Variants in CMTM4 observed in about 807,000 individuals in gnomAD.
The protein encoded by CMTM4 is CKLF-like MARVEL transmembrane domain-containing protein 4.
A neutral mutation model predicts 19.0 loss-of-function variants in CMTM4; 8 were observed. The ratio of observed to expected loss-of-function variants is 0.42; its 90% CI spans 0.25 to 0.76. The LOEUF is 0.76. CMTM4 is among the 30% of genes least tolerant of loss of function. The probability of loss-of-function intolerance (pLI) is 0.27; values close to 1 mark genes in which losing one functional copy is unlikely to be tolerated. For missense variants in CMTM4, 228 were observed against 290.2 expected (o/e 0.79, Z 1.56); for synonymous variants, 106 against 121.1 (o/e 0.88, Z 0.82).
intron 1 of CMTM4, among the ~76,000 whole-genome samples, chr16:66,638,894 G>A (rs1230303089): frequency 1.3e-5 from 2 of 149,414 alleles, no homozygotes; most frequent in African/African-American, 2.5e-5. Context: ...CAAACAAACA[G>A]AGTAGATTTT....
At chr16:66,632,508 A>C (rs897761046) in intron 2 of CMTM4, among the ~76,000 whole-genome samples, 2 of 152,156 alleles carry the variant, frequency 1.3e-5, no homozygotes, top group Admixed American at 6.5e-5. Flanking sequence ...TTTTTTCAGA[A>C]TTTGACAATA....
At chr16:66,676,022 G>C (rs879567527) in intron 1 of CMTM4, among the ~76,000 whole-genome samples, 21 of 151,194 alleles carry the variant, frequency 1.4e-4, no homozygotes, top group Admixed American at 1.4e-3. Flanking sequence ...ACCATGCCCA[G>C]CTAAAAAAAA....
At chr16:66,674,536 G>C (rs1372944699) in intron 1 of CMTM4, among the ~76,000 whole-genome samples, 2 of 152,040 alleles carry the variant, frequency 1.3e-5, no homozygotes, top group Non-Finnish European at 2.9e-5. Flanking sequence ...CAGATATGCT[G>C]ATGGTAACTT....
intron 1 of CMTM4, among the ~76,000 whole-genome samples, chr16:66,658,202 G>A (rs1433392617): frequency 6.7e-6 from 1 of 149,272 alleles, no homozygotes; most frequent in Non-Finnish European, 1.5e-5. Flanking sequence ...AGCAAAGAAA[G>A]GGAAAGAAGG....
At position 66,615,133 on chromosome 16, in the gene CMTM4, T is replaced by C. The variant is rs946805095; in HGVS notation, c.*6925A>G. On this transcript the variant is annotated 3_prime_UTR_variant, in exon 4 of 4. Coordinates refer to ENST00000394106, the MANE Select transcript of CMTM4 (RefSeq NM_181521.3). This position sits in a 1 kb window ranked among gnomAD's most constrained non-coding sequence, Gnocchi z 4.9. ...GGGCATCGCCTCAGAAAGCCCACAGTTGTGTCTTTAAACTGCCGAAATGAA... is the reference window on the plus strand; with the variant it reads ...GGGCATCGCCTCAGAAAGCCCACAGCTGTGTCTTTAAACTGCCGAAATGAA... The C allele has an allele frequency of 6.6e-6, 1 of 152,240 alleles. No individual in the cohort carries two copies. The highest frequency in any genetic ancestry group is 1.5e-5 in the Non-Finnish European group (1 of 68,046). The allele number at this position is 152,240 out of a possible 1,614,324, so 9.4% of individuals were successfully genotyped here.
chr16:66,607,051 T>G, the CMTM4 span, among the ~76,000 whole-genome samples: 2 of 152,196 alleles, frequency 1.3e-5, no homozygotes, highest in Admixed American at 1.3e-4. Flanking sequence ...GTTCAAATTC[T>G]AGTAGCCTCT....
intron 1 of CMTM4, among the ~76,000 whole-genome samples, chr16:66,640,171 C>T (rs1016080067): frequency 6.6e-6 from 1 of 152,066 alleles, no homozygotes; most frequent in African/African-American, 2.4e-5. Flanking sequence ...CATGGTGGCG[C>T]ACGCCTGTAA....
At chr16:66,646,440 T>C (rs903252736) in intron 1 of CMTM4, among the ~76,000 whole-genome samples, 4 of 152,182 alleles carry the variant, frequency 2.6e-5, no homozygotes, top group African/African-American at 4.8e-5. Context: ...TATGTAAATA[T>C]ATCACATGTA....
chr16:66,606,062 G>T, the CMTM4 span, among the ~76,000 whole-genome samples: 1 of 151,910 alleles, frequency 6.6e-6, no homozygotes, highest in South Asian at 2.1e-4. Context: ...ATAAGAGGGA[G>T]GCATATGTCC....
intron 2 of CMTM4, among the ~76,000 whole-genome samples, chr16:66,633,461 C>T (rs575704999): frequency 3.3e-5 from 5 of 152,158 alleles, no homozygotes; most frequent in South Asian, 2.1e-4. Flanking sequence ...GAGCTGAGAT[C>T]GGCCGTGAGG....
At chr16:66,612,707 G>T, downstream of CMTM4, 3 of 1,500,758 alleles carry the variant, frequency 2.0e-6, no homozygotes, top group Admixed American at 5.2e-5. The surrounding 1 kb of genome is among the most constrained non-coding windows in gnomAD (Gnocchi z 6.0). Context: ...GGGGTCGCTG[G>T]CGTTGGAGCG....
intron 1 of CMTM4, among the ~76,000 whole-genome samples, chr16:66,639,645 G>A (rs2016063281): frequency 6.6e-6 from 1 of 152,184 alleles, no homozygotes; most frequent in African/African-American, 2.4e-5. Flanking sequence ...CACTTCAGGA[G>A]GTTGAGGCGG....
At chr16:66,606,014 G>A in the CMTM4 span, among the ~76,000 whole-genome samples, 8 of 152,126 alleles carry the variant, frequency 5.3e-5, no homozygotes, top group Non-Finnish European at 1.2e-4. Flanking sequence ...CGTCCCCAGA[G>A]TGGCTTGAAC....
chr16:66,672,836 G>A (rs573453486), intron 1 of CMTM4, among the ~76,000 whole-genome samples: 2 of 149,456 alleles, frequency 1.3e-5, no homozygotes, highest in Non-Finnish European at 3.0e-5. Flanking sequence ...ATGTCGGCCA[G>A]GCTAGTCTTG....
chr16:66,692,017 C>CTCATTTTA (rs2017144606), intron 1 of CMTM4, among the ~76,000 whole-genome samples: 1 of 152,030 alleles, frequency 6.6e-6, no homozygotes, highest in Non-Finnish European at 1.5e-5. Context: ...TATTGGCAGT[C>CTCATTTTA]TCATTTTACC....
intron 1 of CMTM4, among the ~76,000 whole-genome samples, chr16:66,686,630 A>T (rs1176934102): frequency 6.6e-6 from 1 of 151,760 alleles, no homozygotes; most frequent in Non-Finnish European, 1.5e-5. Flanking sequence ...AGCCATTAGG[A>T]CTTACAGAGG....
intron 1 of CMTM4, among the ~76,000 whole-genome samples, chr16:66,660,387 CAAAA>C (rs34266604): frequency 2.4e-5 from 2 of 84,516 alleles, no homozygotes; most frequent in Admixed American, 1.2e-4. Context: ...GATCCTGTCT[CAAAA>C]AAAAAAAAAA....
the CMTM4 span, chr16:66,609,264 A>T: frequency 1.6e-6 from 1 of 611,914 alleles, no homozygotes; most frequent in Non-Finnish European, 2.9e-6. This position sits in a 1 kb window ranked among gnomAD's most constrained non-coding sequence, Gnocchi z 4.4. Flanking sequence ...GCAAGGCAGC[A>T]GAGGCACCTC....
intron 2 of CMTM4, among the ~76,000 whole-genome samples, chr16:66,634,587 G>T (rs1371395937): frequency 6.6e-6 from 1 of 152,092 alleles, no homozygotes; most frequent in Non-Finnish European, 1.5e-5. Context: ...AATTAAGGGG[G>T]TCAAGTCAAA....
Sources: gnomAD v4.1 joint callset for allele counts (sites outside exome capture counted in the v4.1 genomes callset) on GRCh38, gnomAD v4.1.1 for gene constraint, Gnocchi (gnomAD v3.1) non-coding constraint, MANE v1.5 for transcripts, NCBI Gene and HGNC (gene_info 2026-07-23, HGNC 2026-07-21) for gene names.